FARP2: variants seen among roughly 807,000 people sequenced by gnomAD.
FARP2 encodes FERM, ARH/RhoGEF and pleckstrin domain protein 2, also known as FERM, ARHGEF and pleckstrin domain-containing protein 2.
Under a neutral mutation model 130.5 loss-of-function variants are expected in FARP2, and 111 were observed. That is an observed-to-expected ratio of 0.85 (90% CI 0.73 to 1.00). FARP2 has a LOEUF of 1.00. Ranked by LOEUF, FARP2 falls within the 50% of genes least tolerant of loss-of-function variation. The pLI is 0.00. For missense variants in FARP2, 1,385 were observed against 1,346.3 expected (o/e 1.03, Z -0.45); for synonymous variants, 504 against 516.9 (o/e 0.98, Z 0.34).
intron 2 of FARP2, among the ~76,000 whole-genome samples, chr2:241,385,362 T>G (rs1286178217): frequency 6.6e-6 from 1 of 152,160 alleles, no homozygotes; most frequent in Non-Finnish European, 1.5e-5. Flanking sequence ...GTTTTCTACC[T>G]TAGAAAATTT....
intron 5 of FARP2, among the ~76,000 whole-genome samples, chr2:241,410,433 C>T (rs370688177): frequency 2.8e-5 from 4 of 143,580 alleles, no homozygotes; most frequent in Admixed American, 7.0e-5. Flanking sequence ...TAATTTCTTT[C>T]TTTTTTTTTT....
chr2:241,386,317 A>G (rs1377870239), intron 2 of FARP2, among the ~76,000 whole-genome samples: 1 of 152,164 alleles, frequency 6.6e-6, no homozygotes, highest in Non-Finnish European at 1.5e-5. Context: ...GCCTGAGCTC[A>G]AGTGAACCTG....
At chr2:241,430,022 C>A (rs977311226) in intron 8 of FARP2, among the ~76,000 whole-genome samples, 7 of 152,134 alleles carry the variant, frequency 4.6e-5, no homozygotes, top group African/African-American at 1.7e-4. Flanking sequence ...TGATGGTTGC[C>A]CAATGATGAC....
chr2:241,493,099 C>T (rs958032292), intron 25 of FARP2, 63 bp downstream of exon 25: 42 of 1,127,690 alleles, frequency 3.7e-5, no homozygotes, highest in Non-Finnish European at 5.5e-5. Flanking sequence ...TAACCCTGCT[C>T]ACCTGTGTCC....
intron 1 of FARP2, among the ~76,000 whole-genome samples, chr2:241,368,083 G>A (rs1334614727): frequency 1.3e-5 from 2 of 151,842 alleles, no homozygotes. Flanking sequence ...CTTTTGAGCT[G>A]AATTTTCCAA....
intron 14 of FARP2, 122 bp downstream of exon 14, chr2:241,457,044 C>A: frequency 1.2e-6 from 1 of 853,910 alleles, no homozygotes; most frequent in Non-Finnish European, 1.7e-6. Context: ...GCACTCACAG[C>A]CGCCTTACCA....
At chr2:241,386,529 C>T (rs541203413) in intron 2 of FARP2, among the ~76,000 whole-genome samples, 4 of 152,256 alleles carry the variant, frequency 2.6e-5, no homozygotes, top group Non-Finnish European at 5.9e-5. Context: ...TTGGGGGAAG[C>T]GTTTAAAGAT....
At chr2:241,421,565 G>T (rs1260491754) in intron 8 of FARP2, among the ~76,000 whole-genome samples, 1 of 152,166 alleles carries the variant, frequency 6.6e-6, no homozygotes, top group African/African-American at 2.4e-5. Context: ...TTGGAGTCTG[G>T]ATAAGGAAGA....
chr2:241,435,728 G>A (rs1338013854), intron 11 of FARP2, among the ~76,000 whole-genome samples: 1 of 149,954 alleles, frequency 6.7e-6, no homozygotes, highest in Non-Finnish European at 1.5e-5. Context: ...AGCCAGGGTG[G>A]TCTCGACCTC....
Position 241,484,302 on chromosome 2 carries a change from C to T in FARP2, c.2392C>T (p.Arg798Trp), listed in dbSNP as rs370311991. The change falls in exon 21 of 27, where the codon CGG becomes TGG. Residue 798 changes from arginine (R) to tryptophan (W), a missense_variant. By Grantham distance (101) the Arg-to-Trp change is moderately radical (BLOSUM62 -3). Transcript: ENST00000264042. ...TGCAGGGACCAGCCACTTCCGGATC[C>T]GGGGCCTCCTTCCCCTCCAAGGCAT... Reference protein sequence around the residue: ...GVAGTSHFRIRGLLPLQGMLV... With the variant: ...GVAGTSHFRIWGLLPLQGMLV... The T allele has an allele frequency of 9.3e-6, 15 of 1,614,014 alleles. No individual in the cohort carries two copies. Among genetic ancestry groups the T allele is most frequent in the Admixed American group, 3.3e-5 (2 of 60,008 alleles).
chr2:241,487,299 T>C (rs1240882176), intron 21 of FARP2, among the ~76,000 whole-genome samples: 2 of 152,204 alleles, frequency 1.3e-5, no homozygotes, highest in East Asian at 3.8e-4. Flanking sequence ...AAGGTGTGAA[T>C]TGAAACAGAC....
intron 1 of FARP2, among the ~76,000 whole-genome samples, chr2:241,365,383 T>C (rs892633240): frequency 3.9e-5 from 6 of 152,198 alleles, no homozygotes; most frequent in Non-Finnish European, 8.8e-5. Flanking sequence ...GAGGGACTTT[T>C]TTCCCCTTCA....
At chr2:241,443,449 C>T (rs3771570) in intron 13 of FARP2, 16,832 of 152,516 alleles carry the variant, frequency 0.11, 1,192 homozygotes, top group Non-Finnish European at 0.15. Context: ...GAACCAGACA[C>T]ACCATGGGCA....
intron 7 of FARP2, among the ~76,000 whole-genome samples, chr2:241,415,690 A>G (rs2062645792): frequency 6.6e-6 from 1 of 152,216 alleles, no homozygotes; most frequent in Non-Finnish European, 1.5e-5. Flanking sequence ...AGGCACCCAC[A>G]AGAGCCTTTA....
chr2:241,455,253 A>G (rs1421829623), intron 13 of FARP2, among the ~76,000 whole-genome samples: 1 of 152,250 alleles, frequency 6.6e-6, no homozygotes, highest in African/African-American at 2.4e-5. Context: ...CATTTATGCG[A>G]CCAGGGGTTC....
At chr2:241,362,038 G>A (rs2061199375) in intron 1 of FARP2, among the ~76,000 whole-genome samples, 1 of 151,868 alleles carries the variant, frequency 6.6e-6, no homozygotes, top group South Asian at 2.1e-4. Context: ...GGGATTACAG[G>A]CACACGCCAC....
chr2:241,490,931 C>G, intron 22 of FARP2, 130 bp from the exon 23 acceptor site: 1 of 727,886 alleles, frequency 1.4e-6, no homozygotes, highest in Non-Finnish European at 2.5e-6. Flanking sequence ...ACACGTTTCC[C>G]AGTCCTCTCA....
At position 241,484,341 on chromosome 2, in the gene FARP2, C is replaced by T. The variant is rs771300804; in HGVS notation, c.2421+10C>T. 4 of 1,611,728 alleles carry T rather than the reference C, an allele frequency of 2.5e-6. No individual in the cohort carries two copies. The highest frequency in any genetic ancestry group is 1.7e-5 in the Admixed American group (1 of 60,020). ...CCTCCAAGGCATGCTGGTGAGTGGT[C>T]TTGCACCCTGCCTGGGATTTCCACG... is the stretch of plus-strand genomic sequence containing the variant. On this transcript the variant is annotated intron_variant, in intron 21 of 26. Transcript: ENST00000264042.
At chr2:241,370,044 G>A (rs1296716236) in intron 1 of FARP2, among the ~76,000 whole-genome samples, 1 of 152,110 alleles carries the variant, frequency 6.6e-6, no homozygotes, top group African/African-American at 2.4e-5. Context: ...GGTAGTAGGG[G>A]GTGGGAAATT....
Sources: gnomAD v4.1 joint callset for allele counts (sites outside exome capture counted in the v4.1 genomes callset) on GRCh38, gnomAD v4.1.1 for gene constraint, MANE v1.5 for transcripts, NCBI Gene and HGNC (gene_info 2026-07-23, HGNC 2026-07-21) for gene names.